FMR1: variants seen among roughly 807,000 people sequenced by gnomAD.
The protein encoded by FMR1 is FMRP translational regulator 1.
In FMR1, 13 loss-of-function variants were observed where a neutral mutation model predicts 50.6. The observed-to-expected ratio is 0.26, with a 90% CI of 0.17 to 0.41. The LOEUF (loss-of-function observed/expected upper bound fraction) is 0.41. FMR1 is among the 10% of genes least tolerant of loss of function. The pLI is 1.00. For missense variants in FMR1, 316 were observed against 491.3 expected, an observed-to-expected ratio of 0.64 and a Z score of 3.37; for synonymous variants, 138 against 164.1, an observed-to-expected ratio of 0.84 and a Z score of 1.22.
At chrX:147,947,978 A>G (rs981349344) in intron 16 of FMR1, among the ~76,000 whole-genome samples, 1 of 112,270 alleles carries the variant, frequency 8.9e-6, no homozygotes, top group Non-Finnish European at 1.9e-5. Context: ...ACTATTTTTT[A>G]AATTACATTG....
chrX:147,944,023 T>C (rs1236978838), intron 14 of FMR1: 1 of 236,196 alleles, frequency 4.2e-6, no homozygotes, highest in Non-Finnish European at 6.0e-6. Context: ...GAAGCTATAA[T>C]GGTGAAGCTA....
rs782679317 is a variant in FMR1 at position 147,936,388 on chromosome X, A to G, written c.881-116A>G. Reference sequence around the variant, plus strand: ...GTTTTGAAATCTTACAATTCAATACATACACATACACATAAAAATATCTAT... The same window carrying G: ...GTTTTGAAATCTTACAATTCAATACGTACACATACACATAAAAATATCTAT... On this transcript the variant is annotated intron_variant, in intron 9 of 16. Coordinates refer to ENST00000370475, the MANE Select transcript of FMR1 (RefSeq NM_002024.6). 56 of 506,594 alleles carry G rather than the reference A, an allele frequency of 1.1e-4. No individual in the cohort carries two copies. The African/African-American group carries it at 1.2e-3, about 11-fold the overall frequency. 41.7% of individuals were successfully genotyped at this position (506,594 alleles called of 1,213,427 possible).
chrX:147,932,466 C>T lies in FMR1; in HGVS notation c.672C>T (p.Ile224=), dbSNP rs1479987533. ...CCTCGAGATTTCATGAACAGTTTAT[C>T]GTAAGAGAAGATCTGATGGGTCTAG... ...QLASRFHEQF[I]VREDLMGLAI... The change falls in exon 8 of 17, where the codon ATC becomes ATT. Residue 224 remains isoleucine, a synonymous_variant. Coordinates refer to ENST00000370475, the MANE Select transcript of FMR1 (RefSeq NM_002024.6). 8.3e-6 allele frequency: 10 copies of T among 1,208,422 alleles called. No homozygotes were observed. Among genetic ancestry groups the T allele is most frequent in the Non-Finnish European group, 1.1e-5 (10 of 893,986 alleles).
intron 9 of FMR1, among the ~76,000 whole-genome samples, chrX:147,936,090 G>A (rs2043778382): frequency 1.8e-5 from 2 of 112,339 alleles, no homozygotes; most frequent in African/African-American, 6.5e-5. Context: ...TGTTGAATAA[G>A]TGAATATATT....
intron 1 of FMR1, chrX:147,912,730 T>C (rs997885857): frequency 9.1e-5 from 27 of 296,431 alleles, no homozygotes; most frequent in East Asian, 7.1e-4. Context: ...CGGTCTAGCA[T>C]TGGGACTTCG....
chrX:147,920,657 T>G (rs2124462266), intron 1 of FMR1, among the ~76,000 whole-genome samples: 1 of 112,044 alleles, frequency 8.9e-6, no homozygotes, highest in African/African-American at 3.2e-5. Flanking sequence ...TCAGAAAACT[T>G]ACTGTTAGTG....
Position 147,943,230 on chromosome X carries a change from A to G in FMR1, c.1375A>G (p.Lys459Glu). 2.5e-6 allele frequency: 3 copies of G among 1,210,970 alleles called. No homozygotes were observed. Among genetic ancestry groups the G allele is most frequent in the South Asian group, 1.8e-5 (1 of 56,974 alleles). ...RPPPNRTDKE[K>E]SYVTDDGQGM... is the part of the protein sequence containing the mutation. ...ACCACCAAATCGTACAGATAAGGAA[A>G]AAAGCTATGTGACTGATGATGGTCA... The change falls in exon 14 of 17, where the codon AAA becomes GAA. Residue 459 changes from lysine to glutamate, a missense_variant. By Grantham distance (56) the Lys-to-Glu change is moderately conservative. This residue lies in a region of FMR1 where 124 missense variants were observed against 160.8 expected (regional missense o/e 0.77). Coordinates refer to ENST00000370475, the MANE Select transcript of FMR1 (RefSeq NM_002024.6).
At chrX:147,948,365 T>C in intron 16 of FMR1, 8 of 733,826 alleles carry the variant, frequency 1.1e-5, no homozygotes, top group Non-Finnish European at 1.4e-5. Flanking sequence ...TAATCAGTAA[T>C]AGTAATTCAT....
At position 147,948,870 on chromosome X, in the gene FMR1, C is replaced by T; in HGVS notation, c.*26C>T. 8.4e-7 allele frequency: 1 copy of T among 1,192,878 alleles called. No homozygotes were observed. Among genetic ancestry groups the T allele is most frequent in the Non-Finnish European group, 1.1e-6 (1 of 878,439 alleles). ...ACTGCATAATTCTGAAGTTATATTTCCTATACCATTTCCGTAATTCTTATT... is the reference window on the plus strand; with the variant it reads ...ACTGCATAATTCTGAAGTTATATTTTCTATACCATTTCCGTAATTCTTATT... On this transcript the variant is annotated 3_prime_UTR_variant, in exon 17 of 17. Coordinates refer to ENST00000370475, the MANE Select transcript of FMR1 (RefSeq NM_002024.6).
chrX:147,948,391 C>T, intron 16 of FMR1: 1 of 895,548 alleles, frequency 1.1e-6, no homozygotes, highest in Non-Finnish European at 1.4e-6. Flanking sequence ...CTGTTTGTTT[C>T]TCACTGTTTT....
chrX:147,917,744 T>G (rs1289534313), intron 1 of FMR1, among the ~76,000 whole-genome samples: 1 of 111,913 alleles, frequency 8.9e-6, no homozygotes, highest in Non-Finnish European at 1.9e-5. Flanking sequence ...ATGTGTGTAA[T>G]TTCATTACCC....
At chrX:147,918,555 C>CTTTTTTTTTTTTTT (rs368581020) in intron 1 of FMR1, among the ~76,000 whole-genome samples, 831 of 47,266 alleles carry the variant, frequency 0.018, 133 homozygotes, top group Non-Finnish European at 0.021. Flanking sequence ...CCTGCAAAAG[C>CTTTTTTTTTTTTTT]TTTTTTTTTT....
intron 7 of FMR1, among the ~76,000 whole-genome samples, chrX:147,931,960 C>T (rs2043622966): frequency 9.0e-6 from 1 of 111,494 alleles, no homozygotes; most frequent in African/African-American, 3.3e-5. Flanking sequence ...GGCACTGTTT[C>T]CAGAAAATAT....
intron 2 of FMR1, among the ~76,000 whole-genome samples, chrX:147,923,247 G>A (rs1456652861): frequency 1.2e-4 from 13 of 111,609 alleles, no homozygotes; most frequent in East Asian, 8.4e-4. Flanking sequence ...ACTAATAATC[G>A]CAGACCAAAA....
At chrX:147,945,161 T>C (rs1209500740) in intron 15 of FMR1, 110 bp downstream of exon 15, 1 of 1,080,922 alleles carries the variant, frequency 9.3e-7, no homozygotes, top group Non-Finnish European at 1.3e-6. Flanking sequence ...ATCTCTCCCG[T>C]TTTGTGCTGA....
chrX:147,918,555 C>CTTTTTTTTTTTTTTTTTTTTTT lies in FMR1; in HGVS notation c.52-3374_52-3353dup, dbSNP rs368581020. Among the ~76,000 whole-genome samples, 13 of 47,279 alleles carry CTTTTTTTTTTTTTTTTTTTTTT rather than the reference C, an allele frequency of 2.7e-4. 3 individuals are homozygous for CTTTTTTTTTTTTTTTTTTTTTT. The highest frequency in any genetic ancestry group is 6.5e-4 in the African/African-American group (6 of 9,275). 41.1% of individuals were successfully genotyped at this position (47,279 alleles called of 115,157 possible). A position where few individuals can be genotyped will look rare whatever the true frequency, so the allele number is the denominator to read the frequency against. On this transcript the variant is annotated intron_variant, in intron 1 of 16. Transcript: ENST00000370475. Reference sequence around the variant, plus strand: ...GAAATGCATTCAGAGCCTGCAAAAGCTTTTTTTTTTTTTTTTTTTTTTTTT... The same window carrying CTTTTTTTTTTTTTTTTTTTTTT: ...GAAATGCATTCAGAGCCTGCAAAAGCTTTTTTTTTTTTTTTTTTTTTTTTTTTTTTTTTTTTTTTTTTTTTTT...
Position 147,937,507 on chromosome X carries a change from G to T in FMR1, c.1032G>T (p.Arg344Ser). 8.3e-7 allele frequency: 1 copy of T among 1,205,976 alleles called. No individual in the cohort carries two copies. Among genetic ancestry groups the T allele is most frequent in the Non-Finnish European group, 1.1e-6 (1 of 891,222 alleles). Residue 344 changes from arginine to serine, a missense_variant, in exon 11 of 17, where the codon AGG becomes AGT. Around this residue, in one of 4 missense-constraint regions of FMR1, gnomAD observed 53 missense variants for 51.5 expected, o/e 1.03. Coordinates refer to ENST00000370475, the MANE Select transcript of FMR1 (RefSeq NM_002024.6). ...PPNSLPSNNS[R>S]VGPNAPEEKK... ...ATTCCCTTCCTTCCAATAATTCAAG[G>T]GTTGGACCTAATGCCCCAGAAGAAA...
rs868919729 is a variant in FMR1 at position 147,912,081 on chromosome X, A to C, written c.-99A>C. ...GCGGCGGCGGCGGCGGCGGCGGCGG[A>C]GGCGGCGGCGGCGGCGGCGGCGGCG... On this transcript the variant is annotated 5_prime_UTR_variant, in exon 1 of 17. Coordinates refer to ENST00000370475, the MANE Select transcript of FMR1 (RefSeq NM_002024.6). The C allele has an allele frequency of 0.12, 32,313 of 279,272 alleles. 1,293 individuals carry two copies. The highest frequency in any genetic ancestry group is 0.13 in the Middle Eastern group (58 of 457). 23.0% of individuals were successfully genotyped at this position (279,272 alleles called of 1,213,427 possible).
In FMR1 at chrX:147,951,111, T is replaced by C. The variant is rs781846007; in HGVS notation, c.*2267T>C. 20 of 216,611 alleles carry C rather than the reference T, an allele frequency of 9.2e-5. No individual in the cohort carries two copies. The highest frequency in any genetic ancestry group is 6.6e-4 in the South Asian group (13 of 19,786). The allele number at this position is 216,611 out of a possible 1,213,427, so 17.9% of individuals were successfully genotyped here. A position where few individuals can be genotyped will look rare whatever the true frequency, so the allele number is the denominator to read the frequency against. ...AATTTTTATTAAAAAGTTGCACTTA[T>C]GAAAAAGCAAAAAATTAGTCTGACA... On this transcript the variant is annotated 3_prime_UTR_variant, in exon 17 of 17. Transcript: ENST00000370475.
Sources: gnomAD v4.1 joint callset for allele counts (sites outside exome capture counted in the v4.1 genomes callset) on GRCh38, gnomAD v4.1.1 for gene constraint, gnomAD v4.1.1 regional missense constraint, MANE v1.5 for transcripts, NCBI Gene and HGNC (gene_info 2026-07-23, HGNC 2026-07-21) for gene names.